Variants in ANKS1B observed in about 807,000 individuals in gnomAD.
The protein encoded by ANKS1B is ankyrin repeat and sterile alpha motif domain containing 1B.
ANKS1B carries 36 observed loss-of-function variants against 148.3 expected under a neutral mutation model. The ratio of observed to expected loss-of-function variants is 0.24; its 90% CI spans 0.19 to 0.32. The LOEUF is 0.32. ANKS1B is among the 10% of genes least tolerant of loss of function. ANKS1B has a pLI of 1.00. For missense variants in ANKS1B, 1,157 were observed against 1,542.6 expected, an observed-to-expected ratio of 0.75 and a Z score of 4.19; for synonymous variants, 542 against 560.8, an observed-to-expected ratio of 0.97 and a Z score of 0.47.
intron 17 of ANKS1B, among the ~76,000 whole-genome samples, chr12:98,919,742 C>T (rs1007970895): frequency 1.3e-5 from 2 of 152,142 alleles, no homozygotes; most frequent in Non-Finnish European, 2.9e-5. Context: ...TTTATCTTTT[C>T]ATAGGGTCCC....
At chr12:98,862,712 A>G (rs2099605504) in intron 17 of ANKS1B, among the ~76,000 whole-genome samples, 1 of 152,120 alleles carries the variant, frequency 6.6e-6, no homozygotes, top group South Asian at 2.1e-4. Context: ...GAATCCCAAT[A>G]ATATAGGTTC....
intron 1 of ANKS1B, among the ~76,000 whole-genome samples, chr12:99,848,761 A>G (rs1028701177): frequency 3.9e-5 from 6 of 152,182 alleles, no homozygotes; most frequent in Non-Finnish European, 7.3e-5. Context: ...TAGAAGAAAA[A>G]AATTTAAAGG....
intron 3 of ANKS1B, 63 bp from the exon 4 acceptor site, chr12:99,806,763 C>T (rs1320659582): frequency 2.9e-5 from 43 of 1,484,320 alleles, no homozygotes; most frequent in Non-Finnish European, 3.8e-5. Flanking sequence ...AAAATCTTAA[C>T]ACAGTAATTT....
At chr12:99,152,137 T>C (rs1046859522) in intron 15 of ANKS1B, among the ~76,000 whole-genome samples, 2 of 152,182 alleles carry the variant, frequency 1.3e-5, no homozygotes, top group African/African-American at 4.8e-5. Flanking sequence ...AATTAGATTA[T>C]GTAGATCAAT....
chr12:99,730,008 G>T (rs2058980152), intron 8 of ANKS1B, among the ~76,000 whole-genome samples: 1 of 152,286 alleles, frequency 6.6e-6, no homozygotes, highest in African/African-American at 2.4e-5. Flanking sequence ...GTAGCTTTGT[G>T]CATGTATGCT....
At chr12:99,637,845 GGAGA>G (rs376108557) in intron 9 of ANKS1B, among the ~76,000 whole-genome samples, 4 of 145,998 alleles carry the variant, frequency 2.7e-5, no homozygotes, top group Non-Finnish European at 4.5e-5. Context: ...ACACATACAC[GGAGA>G]GAGAGAGAGA....
At chr12:98,743,945 G>C, downstream of ANKS1B, 1 of 938,748 alleles carries the variant, frequency 1.1e-6, no homozygotes, top group Non-Finnish European at 1.3e-6. Flanking sequence ...GAGTGGGGAA[G>C]GTGCTCACAG....
chr12:98,794,543 T>A, intron 22 of ANKS1B: 1 of 680,280 alleles, frequency 1.5e-6, no homozygotes, highest in Non-Finnish European at 2.7e-6. Flanking sequence ...CATGGCAAGA[T>A]GTTCATCCGC....
chr12:99,073,741 G>T (rs2046981190), intron 16 of ANKS1B, among the ~76,000 whole-genome samples: 1 of 152,126 alleles, frequency 6.6e-6, no homozygotes, highest in Non-Finnish European at 1.5e-5. Context: ...TTTTATAAAT[G>T]ATTCCTGTTC....
chr12:98,749,888 T>C (rs1016880464), intron 26 of ANKS1B, among the ~76,000 whole-genome samples: 2 of 151,666 alleles, frequency 1.3e-5, no homozygotes, highest in Non-Finnish European at 2.9e-5. Flanking sequence ...TTGAGATATA[T>C]TTTAGGGGTA....
intron 16 of ANKS1B, among the ~76,000 whole-genome samples, chr12:99,062,436 A>C (rs1472191143): frequency 6.6e-6 from 1 of 152,188 alleles, no homozygotes; most frequent in East Asian, 1.9e-4. Flanking sequence ...CAACACTTTC[A>C]ATGCATAAGG....
At chr12:98,986,562 C>T (rs954467611) in intron 17 of ANKS1B, among the ~76,000 whole-genome samples, 1 of 152,062 alleles carries the variant, frequency 6.6e-6, no homozygotes, top group Non-Finnish European at 1.5e-5. Flanking sequence ...TTTCTCTCTA[C>T]TGAAATTTCC....
At chr12:98,927,255 A>G (rs1379071110) in intron 17 of ANKS1B, among the ~76,000 whole-genome samples, 2 of 152,126 alleles carry the variant, frequency 1.3e-5, no homozygotes, top group Non-Finnish European at 2.9e-5. Context: ...CAGCAAAACC[A>G]CCAGTTAAAA....
chr12:99,822,009 A>G (rs1299963396), intron 2 of ANKS1B, among the ~76,000 whole-genome samples: 1 of 152,140 alleles, frequency 6.6e-6, no homozygotes, highest in Non-Finnish European at 1.5e-5. Context: ...AAAAATAAAT[A>G]CAATTTGGGA....
chr12:99,296,725 T>TA (rs2080919535), intron 12 of ANKS1B, among the ~76,000 whole-genome samples: 1 of 152,220 alleles, frequency 6.6e-6, no homozygotes, highest in Admixed American at 6.5e-5. Context: ...TTGCTTGTCT[T>TA]ATTCAGTTTG....
intron 9 of ANKS1B, among the ~76,000 whole-genome samples, chr12:99,521,403 T>C (rs2096873695): frequency 6.6e-6 from 1 of 152,122 alleles, no homozygotes; most frequent in Non-Finnish European, 1.5e-5. Context: ...CCTTACTGAG[T>C]TTATTTGGTG....
Position 99,453,923 on chromosome 12 carries a change from G to A in ANKS1B, c.1439-10114C>T, listed in dbSNP as rs144512410. On this transcript the variant is annotated intron_variant, in intron 10 of 26. Coordinates refer to ENST00000683438, the MANE Select transcript of ANKS1B (RefSeq NM_001352186.2). The stretch of plus-strand genomic sequence containing the variant: ...AATGAGCCACTAACCAAATGAGGGG[G>A]CCAGAGCAGAAAGTTAGGTTATAGG... 3.7e-3 allele frequency among the ~76,000 whole-genome samples: 565 copies of A among 152,242 alleles called. 5 individuals carry two copies. The highest frequency in any genetic ancestry group is 0.011 in the African/African-American group (476 of 41,536).
At chr12:99,976,965 C>G (rs1333458218) in intron 1 of ANKS1B, among the ~76,000 whole-genome samples, 1 of 152,106 alleles carries the variant, frequency 6.6e-6, no homozygotes, top group Non-Finnish European at 1.5e-5. Flanking sequence ...ATTGCATCAT[C>G]CCATGGCAGA....
intron 5 of ANKS1B, among the ~76,000 whole-genome samples, chr12:99,781,457 A>G (rs1282222095): frequency 6.6e-6 from 1 of 152,194 alleles, no homozygotes; most frequent in Non-Finnish European, 1.5e-5. Context: ...CTCAATCAGA[A>G]TGCACATATG....
Sources: gnomAD v4.1 joint callset for allele counts (sites outside exome capture counted in the v4.1 genomes callset) on GRCh38, gnomAD v4.1.1 for gene constraint, MANE v1.5 for transcripts, NCBI Gene and HGNC (gene_info 2026-07-23, HGNC 2026-07-21) for gene names.